Variants in TMEM26 observed in about 807,000 individuals in gnomAD.
The protein encoded by TMEM26 is transmembrane protein 26.
Under a neutral mutation model 28.8 loss-of-function variants are expected in TMEM26, and 38 were observed. The observed-to-expected ratio is 1.32, with a 90% CI of 1.02 to 1.73. The LOEUF is 1.73. Ranked by LOEUF, TMEM26 falls within the 40% of genes most tolerant of loss-of-function variation. The pLI, the probability that TMEM26 is intolerant of heterozygous loss-of-function variation, is 0.00. For synonymous variants in TMEM26, 227 were observed against 182.9 expected, an observed-to-expected ratio of 1.24 and a Z score of -1.95; for missense variants, 518 against 447.1, an observed-to-expected ratio of 1.16 and a Z score of -1.43.
At position 61,453,025 on chromosome 10, in the gene TMEM26, G is replaced by A; in HGVS notation, c.57C>T (p.His19=). ...TCACTCGCCAGACCCCGACCAGCGA[G>A]TGCAGCAGGAACAGCAACCGAGTGG... ...ALATRLLFLL[H]SLVGVWRVTE... Residue 19 remains histidine (H), a synonymous_variant, in exon 1 of 6, where the codon CAC becomes CAT. Transcript: ENST00000399298. 1.9e-6 allele frequency: 3 copies of A among 1,613,954 alleles called. No individual in the cohort carries two copies. Among genetic ancestry groups the A allele is most frequent in the Non-Finnish European group, 1.7e-6 (2 of 1,180,038 alleles).
At chr10:61,421,877 A>C (rs1839755075) in intron 4 of TMEM26, among the ~76,000 whole-genome samples, 1 of 152,172 alleles carries the variant, frequency 6.6e-6, no homozygotes, top group Non-Finnish European at 1.5e-5. Flanking sequence ...AACTGTACTT[A>C]ACTGGGGAGG....
In TMEM26 at chr10:61,413,675, A is replaced by G. The variant is rs974812263; in HGVS notation, c.606-140T>C. The stretch of plus-strand genomic sequence containing the variant: ...CTTGGTGATTTAATAAATCAATGAA[A>G]AAAATCCTTACATGATAATAATGGA... On this transcript the variant is annotated intron_variant, in intron 4 of 5. Transcript: ENST00000399298. The G allele has an allele frequency of 8.9e-6, 12 of 1,343,484 alleles. No individual in the cohort carries two copies. The African/African-American group carries it at 1.8e-4, about 20-fold the overall frequency. 83.2% of individuals were successfully genotyped at this position (1,343,484 alleles called of 1,614,324 possible).
At chr10:61,418,963 T>C (rs892924560) in intron 4 of TMEM26, among the ~76,000 whole-genome samples, 2 of 152,072 alleles carry the variant, frequency 1.3e-5, no homozygotes, top group Non-Finnish European at 2.9e-5. Flanking sequence ...AGAGCAGAAG[T>C]CATAAGGGCT....
intron 1 of TMEM26, among the ~76,000 whole-genome samples, chr10:61,448,624 T>G (rs1254052621): frequency 6.6e-6 from 1 of 151,622 alleles, no homozygotes; most frequent in Non-Finnish European, 1.5e-5. Flanking sequence ...TTTTTGTTTT[T>G]TTTTTTTTTT....
chr10:61,436,846 A>G lies in TMEM26; in HGVS notation c.192-598T>C, dbSNP rs115313510. On this transcript the variant is annotated intron_variant, in intron 1 of 5. Coordinates refer to ENST00000399298, the MANE Select transcript of TMEM26 (RefSeq NM_178505.8). The stretch of plus-strand genomic sequence containing the variant: ...TTGGTATTTTTTTTAAGTTATCTAT[A>G]TTCACTGTTTTCTCATTCAAAATTC... Among the ~76,000 whole-genome samples the G allele has an allele frequency of 6.2e-3, 945 of 152,292 alleles. 8 individuals are homozygous for G. The highest frequency in any genetic ancestry group is 0.021 in the African/African-American group (889 of 41,550).
At chr10:61,436,396 A>G in intron 1 of TMEM26, 148 bp from the exon 2 acceptor site, 1 of 516,542 alleles carries the variant, frequency 1.9e-6, no homozygotes, top group Non-Finnish European at 3.4e-6. Flanking sequence ...GTTTATTTCA[A>G]TGAAGAAAAA....
At chr10:61,441,252 T>G (rs1278045772) in intron 1 of TMEM26, among the ~76,000 whole-genome samples, 1 of 152,222 alleles carries the variant, frequency 6.6e-6, no homozygotes, top group Non-Finnish European at 1.5e-5. Context: ...GATTTACAGT[T>G]TCTACTTTCC....
Position 61,436,262 on chromosome 10 carries a change from G to T in TMEM26, c.192-14C>A. 2 of 1,468,046 alleles carry T rather than the reference G, an allele frequency of 1.4e-6. No individual in the cohort carries two copies. The highest frequency in any genetic ancestry group is 1.8e-6 in the Non-Finnish European group (2 of 1,096,438). The allele number at this position is 1,468,046 out of a possible 1,614,324, so 90.9% of individuals were successfully genotyped here. On this transcript the variant is annotated splice_polypyrimidine_tract_variant and intron_variant, in intron 1 of 5. Coordinates refer to ENST00000399298, the MANE Select transcript of TMEM26 (RefSeq NM_178505.8). The stretch of plus-strand genomic sequence containing the variant: ...GCTGGTGAAAACCTGTGAAAAGAGA[G>T]AAGAAAAAATAGTTTAGCTAATTTA...
At chr10:61,441,600 G>C (rs1432131939) in intron 1 of TMEM26, among the ~76,000 whole-genome samples, 3 of 152,194 alleles carry the variant, frequency 2.0e-5, no homozygotes, top group East Asian at 3.9e-4. Flanking sequence ...GAAAGATCTG[G>C]CCAACTAACA....
intron 1 of TMEM26, among the ~76,000 whole-genome samples, chr10:61,452,151 C>T (rs943821171): frequency 2.0e-5 from 3 of 152,144 alleles, no homozygotes; most frequent in African/African-American, 7.2e-5. Flanking sequence ...TATTTGATTG[C>T]CATTCAAGCC....
At chr10:61,452,566 A>C in intron 1 of TMEM26, 1 of 293,664 alleles carries the variant, frequency 3.4e-6, no homozygotes, top group South Asian at 5.3e-5. Context: ...TCCTTGTCCC[A>C]AGACTCCCCT....
At chr10:61,438,834 G>T (rs1014802502) in intron 1 of TMEM26, among the ~76,000 whole-genome samples, 4 of 152,144 alleles carry the variant, frequency 2.6e-5, no homozygotes, top group Non-Finnish European at 5.9e-5. Context: ...CAACTCAGTA[G>T]TTACAACTGA....
At chr10:61,414,801 T>C in intron 4 of TMEM26, 1 of 203,234 alleles carries the variant, frequency 4.9e-6, no homozygotes, top group Non-Finnish European at 8.7e-6. Flanking sequence ...GTTCCTCCTC[T>C]TAAAAAATAT....
At chr10:61,431,551 A>G (rs75844161) in intron 2 of TMEM26, among the ~76,000 whole-genome samples, 2,826 of 152,226 alleles carry the variant, frequency 0.019, 42 homozygotes, top group South Asian at 0.027. Flanking sequence ...TTATTTTTCC[A>G]TAAGTCAATG....
Position 61,406,643 on chromosome 10 carries a change from A to G in TMEM26, c.*3679T>C, listed in dbSNP as rs554507783. The G allele has an allele frequency of 2.6e-5, 4 of 152,210 alleles. No homozygotes were observed. In the South Asian group the frequency reaches 8.3e-4, roughly 32 times the overall value. 9.4% of individuals were successfully genotyped at this position (152,210 alleles called of 1,614,324 possible). On this transcript the variant is annotated 3_prime_UTR_variant, in exon 6 of 6. Coordinates refer to ENST00000399298, the MANE Select transcript of TMEM26 (RefSeq NM_178505.8). ...AGCCAGCAAAAATCCACATTAAGATAAAGTTGTGCACACACTATTTAATGC... is the reference window on the plus strand; with the variant it reads ...AGCCAGCAAAAATCCACATTAAGATGAAGTTGTGCACACACTATTTAATGC...
intron 4 of TMEM26, chr10:61,413,932 C>T (rs981536819): frequency 6.8e-5 from 67 of 986,570 alleles, no homozygotes; most frequent in African/African-American, 2.5e-4. Context: ...AACCAGGGAT[C>T]GAATTGAAAA....
chr10:61,452,983 C>T lies in TMEM26; in HGVS notation c.99G>A (p.Glu33=), dbSNP rs1417951134. ...GVWRVTEVKK[E]PRYWLLALLN... ...GCAGCGCAAGCAGCCAGTACCGCGG[C>T]TCCTTCTTCACCTCGGTCACTCGCC... Residue 33 remains glutamate (E), a synonymous_variant, in exon 1 of 6, where the codon GAG becomes GAA. Transcript: ENST00000399298. 1.9e-6 allele frequency: 3 copies of T among 1,613,960 alleles called. No homozygotes were observed. Among genetic ancestry groups the T allele is most frequent in the Non-Finnish European group, 2.5e-6 (3 of 1,180,032 alleles).
At chr10:61,450,200 T>C (rs1371168438) in intron 1 of TMEM26, among the ~76,000 whole-genome samples, 1 of 152,170 alleles carries the variant, frequency 6.6e-6, no homozygotes, top group Non-Finnish European at 1.5e-5. Flanking sequence ...CTTATCTATA[T>C]ATAGATTAAT....
Position 61,416,128 on chromosome 10 carries a change from A to T in TMEM26, c.606-2593T>A, listed in dbSNP as rs550786941. ...GTGGAATTTTTCCAACAGAGCCTGC[A>T]GAAAAAGTTGTTGAGGATATTTTCA... is the stretch of plus-strand genomic sequence containing the variant. On this transcript the variant is annotated intron_variant, in intron 4 of 5. Transcript: ENST00000399298. The T allele has an allele frequency of 1.6e-5, 7 of 449,810 alleles. No individual in the cohort carries two copies. The East Asian group carries it at 3.5e-4, about 23-fold the overall frequency. 27.9% of individuals were successfully genotyped at this position (449,810 alleles called of 1,614,324 possible). A position where few individuals can be genotyped will look rare whatever the true frequency, so the allele number is the denominator to read the frequency against.
Sources: allele counts gnomAD v4.1 joint callset (sites outside exome capture counted in the v4.1 genomes callset), GRCh38; gene constraint gnomAD v4.1.1; transcripts MANE v1.5; gene names NCBI Gene and HGNC (gene_info 2026-07-23, HGNC 2026-07-21).